TGFB2: variants seen among roughly 807,000 people sequenced by gnomAD.
TGFB2 encodes transforming growth factor beta 2.
Under a neutral mutation model 42.7 loss-of-function variants are expected in TGFB2, and 13 were observed. The observed-to-expected ratio is 0.30, with a 90% CI of 0.20 to 0.48. The LOEUF (loss-of-function observed/expected upper bound fraction) is 0.48, where lower values mean the gene tolerates loss of function less well. TGFB2 is among the 20% of genes least tolerant of loss of function. TGFB2 has a pLI of 0.99. For missense variants in TGFB2, 390 were observed against 517.5 expected (o/e 0.75, Z 2.39); for synonymous variants, 193 against 193.6 (o/e 1.00, Z 0.03).
chr1:218,374,931 G>A (rs922137652), intron 1 of TGFB2, among the ~76,000 whole-genome samples: 4 of 152,148 alleles, frequency 2.6e-5, no homozygotes, highest in Admixed American at 1.3e-4. Flanking sequence ...ATTTCTGCTT[G>A]AAACTTTAAC....
At chr1:218,427,580 C>T (rs1471778812) in intron 2 of TGFB2, among the ~76,000 whole-genome samples, 8 of 152,074 alleles carry the variant, frequency 5.3e-5, no homozygotes, top group South Asian at 2.1e-4. Flanking sequence ...TGAGAACATG[C>T]GGTGTTTGGT....
rs561098041 is a variant in TGFB2 at position 218,352,887 on chromosome 1, G to A, written c.346+5840G>A. On this transcript the variant is annotated intron_variant, in intron 1 of 6. Transcript: ENST00000366930. ...GACAGCACCCCCTTTACTTAACCAG[G>A]CCTCAGTTTCTTCCCTTGTAAAGAT... 6.3e-4 allele frequency among the ~76,000 whole-genome samples: 96 copies of A among 152,254 alleles called. 1 individual carries two copies. Among genetic ancestry groups the A allele is most frequent in the African/African-American group, 2.3e-3 (95 of 41,550 alleles).
chr1:218,416,351 G>A (rs1659279925), intron 2 of TGFB2, among the ~76,000 whole-genome samples: 1 of 151,818 alleles, frequency 6.6e-6, no homozygotes, highest in Admixed American at 6.6e-5. Flanking sequence ...CTCCTTTAGG[G>A]CAAAAGCTGT....
At chr1:218,400,874 G>A (rs1658691770) in intron 1 of TGFB2, among the ~76,000 whole-genome samples, 1 of 152,058 alleles carries the variant, frequency 6.6e-6, no homozygotes, top group African/African-American at 2.4e-5. Flanking sequence ...GTGAGATTGG[G>A]GACACCAGAA....
chr1:218,357,343 G>C (rs961965234), intron 1 of TGFB2, among the ~76,000 whole-genome samples: 2 of 152,150 alleles, frequency 1.3e-5, no homozygotes, highest in African/African-American at 4.8e-5. Context: ...GCCACACTAA[G>C]GCCTTGGGTA....
chr1:218,413,095 G>A (rs1659152508), intron 2 of TGFB2, among the ~76,000 whole-genome samples: 1 of 152,200 alleles, frequency 6.6e-6, no homozygotes, highest in Non-Finnish European at 1.5e-5. Flanking sequence ...CCAGAGGCTG[G>A]GCGCGGTGGC....
intron 2 of TGFB2, among the ~76,000 whole-genome samples, chr1:218,431,572 A>G (rs1436208681): frequency 2.0e-5 from 3 of 152,210 alleles, no homozygotes; most frequent in Non-Finnish European, 4.4e-5. Flanking sequence ...AGCAATGGAG[A>G]CAATGTTTAG....
intron 2 of TGFB2, among the ~76,000 whole-genome samples, chr1:218,424,922 T>C (rs1659571527): frequency 6.6e-6 from 1 of 152,186 alleles, no homozygotes; most frequent in African/African-American, 2.4e-5. Context: ...CTGGAGTTTG[T>C]TGAGGAACTA....
intron 2 of TGFB2, among the ~76,000 whole-genome samples, chr1:218,415,763 CT>C (rs1394903895): frequency 1.3e-5 from 2 of 149,412 alleles, no homozygotes; most frequent in East Asian, 4.0e-4. Context: ...AGGAGGAGAC[CT>C]TTGCAGCCAG....
At chr1:218,406,301 T>C (rs1322146021) in intron 2 of TGFB2, among the ~76,000 whole-genome samples, 2 of 151,862 alleles carry the variant, frequency 1.3e-5, no homozygotes, top group South Asian at 2.1e-4. Flanking sequence ...TGCGTCAAAA[T>C]GTAATGATGA....
chr1:218,407,533 CA>C, intron 2 of TGFB2, among the ~76,000 whole-genome samples: 1 of 152,302 alleles, frequency 6.6e-6, no homozygotes, highest in South Asian at 2.1e-4. Flanking sequence ...GCCCCAAGGT[CA>C]GAGAGCATGC....
chr1:218,377,253 CCA>C (rs965912166), intron 1 of TGFB2, among the ~76,000 whole-genome samples: 1 of 152,172 alleles, frequency 6.6e-6, no homozygotes, highest in African/African-American at 2.4e-5. Context: ...AAGTGCTTAG[CCA>C]CAGCCTTAAA....
intron 1 of TGFB2, among the ~76,000 whole-genome samples, chr1:218,393,335 G>A (rs1048270981): frequency 1.4e-4 from 22 of 152,198 alleles, no homozygotes; most frequent in African/African-American, 4.8e-4. Flanking sequence ...ATCCTGCAAA[G>A]ATTTTACCCT....
chr1:218,425,196 T>C (rs946610355), intron 2 of TGFB2, among the ~76,000 whole-genome samples: 2 of 152,008 alleles, frequency 1.3e-5, no homozygotes, highest in Admixed American at 1.3e-4. Flanking sequence ...CGTTTTTTGT[T>C]TGTTTGTTTG....
At chr1:218,386,952 G>C (rs1445344732) in intron 1 of TGFB2, among the ~76,000 whole-genome samples, 1 of 152,080 alleles carries the variant, frequency 6.6e-6, no homozygotes. Context: ...CTCTTTTGCT[G>C]TTCCCGTCTA....
chr1:218,374,227 T>C (rs968192701), intron 1 of TGFB2, among the ~76,000 whole-genome samples: 17 of 152,212 alleles, frequency 1.1e-4, no homozygotes, highest in African/African-American at 4.1e-4. Context: ...CTCTAATGCC[T>C]GTTAAAAGAT....
Position 218,405,079 on chromosome 1 carries a change from T to A in TGFB2, c.347-90T>A, listed in dbSNP as rs1374395125. ...GAAACTATTCTGTAGATATTTCCCT[T>A]ATGGTTTCTTGGGATTATCTCACGC... On this transcript the variant is annotated intron_variant, in intron 1 of 6. Transcript: ENST00000366930. 2.9e-6 allele frequency: 4 copies of A among 1,386,258 alleles called. No homozygotes were observed. The African/African-American group carries it at 5.8e-5, about 20-fold the overall frequency. 85.9% of individuals were successfully genotyped at this position (1,386,258 alleles called of 1,614,324 possible).
At chr1:218,408,882 T>C (rs775896576) in intron 2 of TGFB2, among the ~76,000 whole-genome samples, 2 of 152,180 alleles carry the variant, frequency 1.3e-5, no homozygotes, top group African/African-American at 4.8e-5. Flanking sequence ...TTGTAATATA[T>C]AATGAAATAA....
intron 1 of TGFB2, among the ~76,000 whole-genome samples, chr1:218,350,450 C>A (rs1409798374): frequency 6.6e-6 from 1 of 152,186 alleles, no homozygotes; most frequent in Non-Finnish European, 1.5e-5. Context: ...GGCAACCCCC[C>A]ATTCCCAACA....
Sources: allele counts gnomAD v4.1 joint callset (sites outside exome capture counted in the v4.1 genomes callset), GRCh38; gene constraint gnomAD v4.1.1; transcripts MANE v1.5; gene names NCBI Gene and HGNC (gene_info 2026-07-23, HGNC 2026-07-21).